The following SLC48A1 variants were observed in gnomAD, a reference collection of about 807,000 sequenced individuals.
SLC48A1 encodes the protein heme transporter HRG1.
A neutral mutation model predicts 14.8 loss-of-function variants in SLC48A1; 6 were observed. The ratio of observed to expected loss-of-function variants is 0.41; its 90% CI spans 0.22 to 0.80. The LOEUF (loss-of-function observed/expected upper bound fraction) is 0.80, where lower values mean the gene tolerates loss of function less well. Among genes scored for constraint, SLC48A1 ranks in the 30% least tolerant of loss-of-function variants. SLC48A1 has a pLI of 0.34. For missense variants in SLC48A1, 165 were observed against 204.8 expected (o/e 0.81, Z 1.19); for synonymous variants, 89 against 90.0 (o/e 0.99, Z 0.06).
At chr12:47,773,192 G>C, upstream of SLC48A1, 1 of 1,003,052 alleles carries the variant, frequency 1.0e-6, no homozygotes, top group Non-Finnish European at 1.2e-6. Flanking sequence ...CGGGGGCGGA[G>C]CGCGGGGCGC....
intron 1 of SLC48A1, among the ~76,000 whole-genome samples, chr12:47,774,184 C>CT (rs1942691288): frequency 6.6e-6 from 1 of 152,222 alleles, no homozygotes; most frequent in Non-Finnish European, 1.5e-5. Context: ...GATGGGGGCT[C>CT]TGGGCTGACC....
chr12:47,758,095 A>G (rs1255622513), upstream of SLC48A1: 6 of 1,553,042 alleles, frequency 3.9e-6, no homozygotes, highest in African/African-American at 4.1e-5. Flanking sequence ...CACGGGGAGG[A>G]AAGTGGACAG....
rs1942916184 is a variant in SLC48A1 at position 47,782,528 on chromosome 12, G to GGCAGCCAGGA, written c.*2247_*2248insGCAGCCAGGA. On this transcript the variant is annotated 3_prime_UTR_variant, in exon 3 of 3. Transcript: ENST00000442218. ...GTCACCCCAAAGTGGGGCAGCCAGG[G>GGCAGCCAGGA]ACAGCCAGGGTGTGTTCAGAATGGG... is the stretch of plus-strand genomic sequence containing the variant. 1 of 152,206 alleles carries GGCAGCCAGGA rather than the reference G, an allele frequency of 6.6e-6. No individual in the cohort carries two copies. The highest frequency in any genetic ancestry group is 1.5e-5 in the Non-Finnish European group (1 of 68,066). 9.4% of individuals were successfully genotyped at this position (152,206 alleles called of 1,614,324 possible). A position where few individuals can be genotyped will look rare whatever the true frequency, so the allele number is the denominator to read the frequency against.
intron 1 of SLC48A1, chr12:47,758,684 G>A (rs1942253647): frequency 1.3e-6 from 2 of 1,497,962 alleles, no homozygotes; most frequent in Non-Finnish European, 1.8e-6. Context: ...CAGTGAACTG[G>A]GCCAGTGCCT....
At chr12:47,758,732 C>G (rs542271485) in intron 1 of SLC48A1, 9 of 1,147,080 alleles carry the variant, frequency 7.8e-6, no homozygotes, top group African/African-American at 6.5e-5. Context: ...ATGCAGGGCT[C>G]GGTGGAGAGG....
intron 1 of SLC48A1, among the ~76,000 whole-genome samples, chr12:47,776,552 G>A (rs765367003): frequency 3.9e-5 from 6 of 152,212 alleles, no homozygotes; most frequent in Non-Finnish European, 8.8e-5. Context: ...GAGGGTGGTG[G>A]GAGCCAGGGC....
chr12:47,779,319 A>C, intron 2 of SLC48A1, 124 bp downstream of exon 2: 1 of 1,325,560 alleles, frequency 7.5e-7, no homozygotes, highest in Non-Finnish European at 1.0e-6. Context: ...ACCTCCCCGG[A>C]CACGGGTTTT....
chr12:47,773,117 G>A, upstream of SLC48A1: 3 of 849,574 alleles, frequency 3.5e-6, no homozygotes, highest in Non-Finnish European at 4.2e-6. Context: ...GGTGGCGTCT[G>A]CGGTTCCGGG....
chr12:47,761,152 A>G (rs1011049410), intron 2 of SLC48A1, among the ~76,000 whole-genome samples: 1 of 149,322 alleles, frequency 6.7e-6, no homozygotes, highest in Non-Finnish European at 1.5e-5. Context: ...AGTCAAGATC[A>G]TGCCACTGAA....
intron 1 of SLC48A1, among the ~76,000 whole-genome samples, chr12:47,776,514 T>C (rs1346888607): frequency 6.6e-6 from 1 of 152,096 alleles, no homozygotes; most frequent in Non-Finnish European, 1.5e-5. Context: ...CCCCCTTGGG[T>C]AGGGCTGGTG....
At chr12:47,758,053 C>G, upstream of SLC48A1, 1 of 1,570,766 alleles carries the variant, frequency 6.4e-7, no homozygotes, top group African/African-American at 1.3e-5. Flanking sequence ...GCCCACCTGC[C>G]AGCAGCTCTC....
upstream of SLC48A1, among the ~76,000 whole-genome samples, chr12:47,755,417 C>T (rs996079361): frequency 6.6e-6 from 1 of 152,126 alleles, no homozygotes; most frequent in African/African-American, 2.4e-5. Context: ...AATGAAAGTG[C>T]GTTCTCGGAG....
At chr12:47,776,797 G>A (rs781578318) in intron 1 of SLC48A1, among the ~76,000 whole-genome samples, 2 of 152,192 alleles carry the variant, frequency 1.3e-5, no homozygotes, top group Non-Finnish European at 2.9e-5. Context: ...CCACTGGATC[G>A]TGGCCAGTGG....
chr12:47,760,272 G>C, exon 2 of SLC48A1: 2 of 985,408 alleles, frequency 2.0e-6, no homozygotes, highest in Non-Finnish European at 2.4e-6. Flanking sequence ...ATGCCTCTCC[G>C]GGGAAGGAGG....
chr12:47,762,612 C>T (rs1484215000), intron 2 of SLC48A1, among the ~76,000 whole-genome samples: 3 of 152,244 alleles, frequency 2.0e-5, no homozygotes, highest in African/African-American at 7.2e-5. Flanking sequence ...ATGTTAGTCA[C>T]TTTATATACA....
At chr12:47,755,331 G>A (rs1033682975), upstream of SLC48A1, among the ~76,000 whole-genome samples, 2 of 152,136 alleles carry the variant, frequency 1.3e-5, no homozygotes, top group African/African-American at 4.8e-5. Context: ...ATATGATAAA[G>A]GCAAACCTCT....
At chr12:47,766,605 C>T (rs1423775474), upstream of SLC48A1, among the ~76,000 whole-genome samples, 3 of 152,156 alleles carry the variant, frequency 2.0e-5, no homozygotes, top group Non-Finnish European at 4.4e-5. Context: ...TGGGCCCTAG[C>T]TCCTTCATGC....
At position 47,773,269 on chromosome 12, in the gene SLC48A1, C is replaced by A. The variant is rs1056046894; in HGVS notation, c.-36C>A. The A allele has an allele frequency of 7.5e-7, 1 of 1,328,158 alleles. No homozygotes were observed. The highest frequency in any genetic ancestry group is 1.5e-5 in the African/African-American group (1 of 64,684). The allele number at this position is 1,328,158 out of a possible 1,614,324, so 82.3% of individuals were successfully genotyped here. On this transcript the variant is annotated 5_prime_UTR_variant, in exon 1 of 3. Transcript: ENST00000442218. The stretch of plus-strand genomic sequence containing the variant: ...GGGCCCTGCACCTGTGACTCTCGGC[C>A]GCGCTCGCCCTCGGCCCGCCCGGCG...
rs768307978 is a variant in SLC48A1 at position 47,780,733 on chromosome 12, A to G, written c.*452A>G. On this transcript the variant is annotated 3_prime_UTR_variant, in exon 3 of 3. Coordinates refer to ENST00000442218, the MANE Select transcript of SLC48A1 (RefSeq NM_017842.3). ...AGGCATCTGCCACCATGCCCGGCAAATTTTTGTGTTTTTAGTAGAGACAGG... is the reference window on the plus strand; with the variant it reads ...AGGCATCTGCCACCATGCCCGGCAAGTTTTTGTGTTTTTAGTAGAGACAGG... 1.0e-5 allele frequency: 4 copies of G among 395,544 alleles called. No individual in the cohort carries two copies. The highest frequency in any genetic ancestry group is 2.0e-5 in the Non-Finnish European group (4 of 200,004). 24.5% of individuals were successfully genotyped at this position (395,544 alleles called of 1,614,324 possible). A position where few individuals can be genotyped will look rare whatever the true frequency, so the allele number is the denominator to read the frequency against.
Sources: gnomAD v4.1 joint callset for allele counts (sites outside exome capture counted in the v4.1 genomes callset) on GRCh38, gnomAD v4.1.1 for gene constraint, MANE v1.5 for transcripts, NCBI Gene and HGNC (gene_info 2026-07-23, HGNC 2026-07-21) for gene names.